TRAPPC6A: variants seen among roughly 807,000 people sequenced by gnomAD.
TRAPPC6A encodes TRAPP complex subunit 6A.
TRAPPC6A carries 25 observed loss-of-function variants against 20.8 expected under a neutral mutation model. That is an observed-to-expected ratio of 1.20 (90% CI 0.88 to 1.68). The LOEUF is 1.68. Ranked by LOEUF, TRAPPC6A falls within the 40% of genes most tolerant of loss-of-function variation. The pLI is 0.00. For missense variants in TRAPPC6A, 215 were observed against 211.6 expected (o/e 1.02, Z -0.10); for synonymous variants, 96 against 93.3 (o/e 1.03, Z -0.16).
intron 1 of TRAPPC6A, among the ~76,000 whole-genome samples, chr19:45,168,454 C>T (rs539438599): frequency 7.2e-5 from 11 of 152,202 alleles, no homozygotes; most frequent in Admixed American, 2.0e-4. Context: ...CATCACAGGG[C>T]GCACACGGGC....
rs746025746 is a variant in TRAPPC6A at position 45,178,153 on chromosome 19, G to A, written c.66C>T (p.Asp22=). 2 of 1,613,258 alleles carry A rather than the reference G, an allele frequency of 1.2e-6. No individual in the cohort carries two copies. The highest frequency in any genetic ancestry group is 1.7e-6 in the Non-Finnish European group (2 of 1,179,448). ...TEMVAELWAH[D]PDPGPGGQKM... ...CGCTCACCCCCGGGCCGGGGTCGGG[G>A]TCGTGAGCCCACAGCTCAGCCACCA... The change falls in exon 1 of 6, where the codon GAC becomes GAT. Residue 22 remains aspartate (D), a synonymous_variant. Transcript: ENST00000585934.
At chr19:45,177,717 A>G (rs1240906916) in intron 1 of TRAPPC6A, among the ~76,000 whole-genome samples, 2 of 152,206 alleles carry the variant, frequency 1.3e-5, no homozygotes, top group Non-Finnish European at 2.9e-5. Flanking sequence ...CAGACGCTCA[A>G]TAAGTGGGTG....
rs759912277 is a variant in TRAPPC6A, at chr19:45,173,885, T to C, written c.84+4250A>G. On this transcript the variant is annotated intron_variant, in intron 1 of 5. Coordinates refer to ENST00000585934, the MANE Select transcript of TRAPPC6A (RefSeq NM_001270891.2). The surrounding 1 kb of genome is among the most constrained non-coding windows in gnomAD (Gnocchi z 4.8). ...ACACTCAGGCCTCACCCCAACCGGG[T>C]TCGTCAGAGTCTCTGGTGTGGGACT... is the stretch of plus-strand genomic sequence containing the variant. Among the ~76,000 whole-genome samples, 10 of 151,990 alleles carry C rather than the reference T, an allele frequency of 6.6e-5. No individual in the cohort carries two copies. The highest frequency in any genetic ancestry group is 1.3e-4 in the Admixed American group (2 of 15,260).
chr19:45,168,395 G>A (rs541751732), intron 1 of TRAPPC6A, among the ~76,000 whole-genome samples: 5 of 152,308 alleles, frequency 3.3e-5, no homozygotes, highest in East Asian at 1.9e-4. Flanking sequence ...GCCAGAGCCC[G>A]TCCTGGCAGG....
intron 1 of TRAPPC6A, among the ~76,000 whole-genome samples, chr19:45,171,506 T>A (rs1969268221): frequency 6.6e-6 from 1 of 152,032 alleles, no homozygotes; most frequent in East Asian, 1.9e-4. Context: ...GCTAATGACA[T>A]CCACCACACA....
At chr19:45,178,083 G>C (rs777953557) in intron 1 of TRAPPC6A, 52 bp downstream of exon 1, 3 of 1,611,468 alleles carry the variant, frequency 1.9e-6, no homozygotes, top group Non-Finnish European at 1.7e-6. Context: ...CGCTCTCCCA[G>C]AGGCGTTACC....
At chr19:45,164,314 C>T (rs1016805370) in intron 3 of TRAPPC6A, 67 bp from the exon 4 acceptor site, 11 of 1,047,180 alleles carry the variant, frequency 1.1e-5, no homozygotes, top group Non-Finnish European at 1.5e-5. Flanking sequence ...GGAGGGTAAG[C>T]AGGAACCCAG....
intron 2 of TRAPPC6A, 24 bp from the exon 3 acceptor site, chr19:45,164,994 G>C (rs762906987): frequency 6.2e-7 from 1 of 1,612,714 alleles, no homozygotes; most frequent in South Asian, 1.1e-5. Flanking sequence ...ACCAAGCTGA[G>C]GCCGTGGGGC....
chr19:45,164,766 G>A (rs1416514344), intron 3 of TRAPPC6A, 87 bp downstream of exon 3: 12 of 1,300,134 alleles, frequency 9.2e-6, no homozygotes, highest in African/African-American at 1.5e-5. Flanking sequence ...CCCGGCAGCC[G>A]CTGCTCTGGC....
chr19:45,165,186 C>T lies in TRAPPC6A; in HGVS notation c.93G>A (p.Lys31=), dbSNP rs1435797308. 1 of 1,603,080 alleles carries T rather than the reference C, an allele frequency of 6.2e-7. No homozygotes were observed. Among genetic ancestry groups the T allele is most frequent in the Non-Finnish European group, 8.5e-7 (1 of 1,175,258 alleles). ...TACCCTCCAGGACCGACAGGCTCAT[C>T]TTCTGTCCCTAGAAGGCCAGGGGAG... ...HDPDPGPGGQ[K]MSLSVLEGMG... Residue 31 remains lysine, a synonymous_variant, in exon 2 of 6, where the codon AAG becomes AAA. Transcript: ENST00000585934.
chr19:45,171,851 G>A (rs931992186), intron 1 of TRAPPC6A, among the ~76,000 whole-genome samples: 1 of 152,246 alleles, frequency 6.6e-6, no homozygotes, highest in Non-Finnish European at 1.5e-5. Flanking sequence ...GCTCCAAGGA[G>A]GATGAACGGA....
intron 1 of TRAPPC6A, among the ~76,000 whole-genome samples, chr19:45,175,842 A>AC (rs938333214): frequency 5.3e-5 from 8 of 151,708 alleles, no homozygotes; most frequent in African/African-American, 1.9e-4. Context: ...ATTATTACCC[A>AC]CCCCCAGGCT....
At chr19:45,168,115 G>A (rs1280690789) in intron 1 of TRAPPC6A, among the ~76,000 whole-genome samples, 2 of 145,728 alleles carry the variant, frequency 1.4e-5, no homozygotes, top group African/African-American at 2.6e-5. Flanking sequence ...CCATTCTCCT[G>A]CCTCAGCCTC....
At chr19:45,165,619 G>A (rs1969135835) in intron 1 of TRAPPC6A, among the ~76,000 whole-genome samples, 2 of 152,258 alleles carry the variant, frequency 1.3e-5, no homozygotes, top group Admixed American at 1.3e-4. Flanking sequence ...CTGCCCAAGG[G>A]CTGGAGGCTG....
In TRAPPC6A at chr19:45,163,535, G is replaced by T. The variant is rs1057427903; in HGVS notation, c.449-312C>A. Among the ~76,000 whole-genome samples the T allele has an allele frequency of 6.6e-6, 1 of 152,096 alleles. No individual in the cohort carries two copies. The highest frequency in any genetic ancestry group is 2.4e-5 in the African/African-American group (1 of 41,418). Reference sequence around the variant, plus strand: ...CGGCAGAGGCAAAATAACTGAAGGTGGGGGAGGTGGTGGGGCAGGCTGTCC... The same window carrying T: ...CGGCAGAGGCAAAATAACTGAAGGTTGGGGAGGTGGTGGGGCAGGCTGTCC... On this transcript the variant is annotated intron_variant, in intron 5 of 5. Coordinates refer to ENST00000585934, the MANE Select transcript of TRAPPC6A (RefSeq NM_001270891.2). The surrounding 1 kb of genome is among the most constrained non-coding windows in gnomAD (Gnocchi z 5.3).
intron 1 of TRAPPC6A, among the ~76,000 whole-genome samples, chr19:45,176,894 T>C (rs906072450): frequency 1.2e-4 from 18 of 148,030 alleles, no homozygotes; most frequent in Non-Finnish European, 4.5e-5. Flanking sequence ...ATTGGCCGGG[T>C]GCAGTGGCTC....
chr19:45,167,536 G>T (rs1449367268), intron 1 of TRAPPC6A, among the ~76,000 whole-genome samples: 1 of 152,222 alleles, frequency 6.6e-6, no homozygotes, highest in Non-Finnish European at 1.5e-5. Context: ...AGGCTGGAGT[G>T]CAACGGCGCG....
At chr19:45,177,193 A>G (rs532761412) in intron 1 of TRAPPC6A, among the ~76,000 whole-genome samples, 5,735 of 93,498 alleles carry the variant, frequency 0.061, 144 homozygotes, top group Non-Finnish European at 0.075. Flanking sequence ...GCGTGCGCGC[A>G]CACACACACA....
intron 1 of TRAPPC6A, among the ~76,000 whole-genome samples, chr19:45,176,598 G>A (rs1305931170): frequency 2.0e-5 from 3 of 152,184 alleles, no homozygotes; most frequent in African/African-American, 7.2e-5. Context: ...GATTACAGGT[G>A]CAAGTCGCCA....
Sources: allele counts gnomAD v4.1 joint callset (sites outside exome capture counted in the v4.1 genomes callset), GRCh38; gene constraint gnomAD v4.1.1; non-coding constraint Gnocchi (gnomAD v3.1); transcripts MANE v1.5; gene names NCBI Gene and HGNC (gene_info 2026-07-23, HGNC 2026-07-21).